The following SENP7 variants were observed in gnomAD, a reference collection of about 807,000 sequenced individuals.
The protein encoded by SENP7 is SUMO specific peptidase 7.
In SENP7, 64 loss-of-function variants were observed where a neutral mutation model predicts 141.2. The observed-to-expected ratio is 0.45, with a 90% CI of 0.37 to 0.56. The LOEUF (loss-of-function observed/expected upper bound fraction) is 0.56, where lower values mean the gene tolerates loss of function less well. Ranked by LOEUF, SENP7 falls within the 20% of genes least tolerant of loss-of-function variation. SENP7 has a pLI of 0.00. For synonymous variants in SENP7, 382 were observed against 426.4 expected (o/e 0.90, Z 1.28); for missense variants, 1,025 against 1,212.2 (o/e 0.85, Z 2.29).
chr3:101,443,191 A>G lies in SENP7; in HGVS notation c.284+15764T>C, dbSNP rs184533942. Among the ~76,000 whole-genome samples the G allele has an allele frequency of 2.7e-3, 416 of 152,280 alleles. 5 individuals are homozygous for G. The highest frequency in any genetic ancestry group is 0.017 in the East Asian group (86 of 5,178). On this transcript the variant is annotated intron_variant, in intron 4 of 23. Transcript: ENST00000394095. ...ATGGCTAGCCAGTTTTCCCAGCACC[A>G]TTTATTAAATAGGGAATCCTTTCCC...
At chr3:101,365,128 G>A (rs1198795921) in intron 9 of SENP7, 137 bp from the exon 10 acceptor site, 37 of 445,078 alleles carry the variant, frequency 8.3e-5, no homozygotes, top group Admixed American at 9.0e-5. Context: ...TCAGCCTCCC[G>A]AGTAGCTGGA....
chr3:101,440,700 A>G (rs2062634358), intron 4 of SENP7, among the ~76,000 whole-genome samples: 1 of 152,118 alleles, frequency 6.6e-6, no homozygotes. Flanking sequence ...TACCAAAACC[A>G]GAAAAAGACA....
rs558261052 is a variant in SENP7 at position 101,417,600 on chromosome 3, A to G, written c.475T>C (p.Ser159Pro). Residue 159 changes from serine to proline, a missense_variant, in exon 5 of 24, where the codon TCT (serine) becomes CCT (proline). This residue lies in a region of SENP7 where 496 missense variants were observed against 503.5 expected (regional missense o/e 0.99). Transcript: ENST00000394095. ...CAATACTGAACAACATACCTTTCAG[A>G]TAAATTAAGGCTTTGGCGAAGAGGT... ...LEPLRQSLNL[S>P]ERIPRVILTN... 1.2e-6 allele frequency: 2 copies of G among 1,612,438 alleles called. No homozygotes were observed. Among genetic ancestry groups the G allele is most frequent in the Non-Finnish European group, 1.7e-6 (2 of 1,178,488 alleles).
chr3:101,390,708 A>G (rs1312340150), intron 6 of SENP7, among the ~76,000 whole-genome samples: 1 of 152,212 alleles, frequency 6.6e-6, no homozygotes, highest in African/African-American at 2.4e-5. Flanking sequence ...ACAGAAATTG[A>G]ACAACAAAGT....
chr3:101,417,784 G>C lies in SENP7; in HGVS notation c.291C>G (p.Leu97=), dbSNP rs375745572. ...ATAGGACATTCGTCAACATAACTTT[G>C]AGTTGCCTGTTATACACATAAATAA... The part of the protein sequence containing the change: ...VTSKSSPERQ[L]KVMLTNVLWT... The change falls in exon 5 of 24, where the codon CTC becomes CTG. Residue 97 remains leucine, a synonymous_variant. Coordinates refer to ENST00000394095, the MANE Select transcript of SENP7 (RefSeq NM_020654.5). The C allele has an allele frequency of 2.5e-5, 40 of 1,612,682 alleles. No homozygotes were observed. The African/African-American group carries it at 4.9e-4, about 20-fold the overall frequency.
At chr3:101,437,511 AC>A (rs1021917635) in intron 4 of SENP7, among the ~76,000 whole-genome samples, 5 of 152,208 alleles carry the variant, frequency 3.3e-5, no homozygotes, top group African/African-American at 9.6e-5. Flanking sequence ...ATATGTACCC[AC>A]AAAAAAATTT....
intron 6 of SENP7, among the ~76,000 whole-genome samples, chr3:101,394,073 C>T (rs1415122203): frequency 6.6e-6 from 1 of 151,908 alleles, no homozygotes; most frequent in Non-Finnish European, 1.5e-5. Flanking sequence ...TATATAGTAG[C>T]CATTAACCAA....
intron 3 of SENP7, among the ~76,000 whole-genome samples, chr3:101,488,065 G>T (rs2064804429): frequency 6.6e-6 from 1 of 152,154 alleles, no homozygotes; most frequent in African/African-American, 2.4e-5. Context: ...GGTCATTTTT[G>T]TGACACTGAT....
At chr3:101,444,747 TG>T (rs2062822782) in intron 4 of SENP7, among the ~76,000 whole-genome samples, 2 of 46,606 alleles carry the variant, frequency 4.3e-5, no homozygotes, top group Non-Finnish European at 7.9e-5. Context: ...TGTTGTGGGG[TG>T]GGGGGAGGGG....
intron 3 of SENP7, among the ~76,000 whole-genome samples, chr3:101,466,006 TCAA>T (rs920961536): frequency 5.5e-4 from 84 of 151,998 alleles, no homozygotes; most frequent in African/African-American, 1.9e-3. Flanking sequence ...GTTGAGAGCC[TCAA>T]CAATAGACAA....
chr3:101,497,116 T>C (rs1477588377), intron 2 of SENP7, among the ~76,000 whole-genome samples: 1 of 152,120 alleles, frequency 6.6e-6, no homozygotes, highest in Non-Finnish European at 1.5e-5. Flanking sequence ...TTGTAGATAA[T>C]GAGAGACAGA....
intron 14 of SENP7, among the ~76,000 whole-genome samples, chr3:101,342,168 T>C (rs976873832): frequency 5.3e-5 from 8 of 152,252 alleles, no homozygotes; most frequent in African/African-American, 1.4e-4. Context: ...ATGCAAAATA[T>C]TGACAACATT....
At chr3:101,371,110 C>G (rs1262393902) in intron 7 of SENP7, among the ~76,000 whole-genome samples, 1 of 152,000 alleles carries the variant, frequency 6.6e-6, no homozygotes, top group Non-Finnish European at 1.5e-5. Flanking sequence ...GGCAACACGG[C>G]AAGACCTTGT....
intron 4 of SENP7, among the ~76,000 whole-genome samples, chr3:101,454,033 C>T (rs990226361): frequency 6.6e-6 from 1 of 151,950 alleles, no homozygotes; most frequent in Non-Finnish European, 1.5e-5. Context: ...GAAAGAAGAA[C>T]GGAAGGAGAT....
At chr3:101,465,982 A>C (rs1208252239) in intron 3 of SENP7, among the ~76,000 whole-genome samples, 1 of 152,206 alleles carries the variant, frequency 6.6e-6, no homozygotes, top group East Asian at 1.9e-4. Flanking sequence ...GATTTCAATG[A>C]AATATAAAAT....
intron 4 of SENP7, among the ~76,000 whole-genome samples, chr3:101,448,269 T>C (rs576821621): frequency 2.6e-4 from 39 of 152,242 alleles, no homozygotes; most frequent in Non-Finnish European, 5.4e-4. Flanking sequence ...TTAAAAACTT[T>C]TATGTTTCAA....
At position 101,463,212 on chromosome 3, in the gene SENP7, C is replaced by T. The variant is rs190965698; in HGVS notation, c.187-4160G>A. ...GAGACCCTATGTCTACAATAAAGGT[C>T]GTGGCACATGTCTGTAGTCCCAGCT... On this transcript the variant is annotated intron_variant, in intron 3 of 23. Transcript: ENST00000394095. 7.9e-5 allele frequency among the ~76,000 whole-genome samples: 12 copies of T among 151,338 alleles called. No individual in the cohort carries two copies. In the East Asian group the frequency reaches 1.4e-3, roughly 17 times the overall value.
chr3:101,436,597 CA>C (rs2062397645), intron 4 of SENP7, among the ~76,000 whole-genome samples: 1 of 150,026 alleles, frequency 6.7e-6, no homozygotes, highest in African/African-American at 2.5e-5. Flanking sequence ...ATAATGTGAG[CA>C]AAAAAATAGG....
intron 6 of SENP7, among the ~76,000 whole-genome samples, chr3:101,391,813 A>G (rs2060824128): frequency 6.6e-6 from 1 of 152,200 alleles, no homozygotes; most frequent in African/African-American, 2.4e-5. Context: ...TGAGCAACAC[A>G]GATGCAAAAA....
Sources: gnomAD v4.1 joint callset for allele counts (sites outside exome capture counted in the v4.1 genomes callset) on GRCh38, gnomAD v4.1.1 for gene constraint, gnomAD v4.1.1 regional missense constraint, MANE v1.5 for transcripts, NCBI Gene and HGNC (gene_info 2026-07-23, HGNC 2026-07-21) for gene names.